Variants in MPP7 observed in about 807,000 individuals in gnomAD.
MPP7 encodes MAGUK p55 scaffold protein 7.
MPP7 carries 60 observed loss-of-function variants against 76.5 expected under a neutral mutation model. The ratio of observed to expected loss-of-function variants is 0.78; its 90% CI spans 0.64 to 0.97. The LOEUF (loss-of-function observed/expected upper bound fraction) is 0.97, where lower values mean the gene tolerates loss of function less well. Among genes scored for constraint, MPP7 ranks in the 50% least tolerant of loss-of-function variants. MPP7 has a pLI of 0.00. For synonymous variants in MPP7, 237 were observed against 244.5 expected (o/e 0.97, Z 0.29); for missense variants, 641 against 694.0 (o/e 0.92, Z 0.86).
At position 28,124,142 on chromosome 10, in the gene MPP7, TAGCA is replaced by T. The variant is rs1215101070; in HGVS notation, c.530-30_530-27del. The T allele has an allele frequency of 8.7e-6, 13 of 1,485,942 alleles. No individual in the cohort carries two copies. The South Asian group carries it at 1.5e-4, about 17-fold the overall frequency. 92.0% of individuals were successfully genotyped at this position (1,485,942 alleles called of 1,614,324 possible). A position where few individuals can be genotyped will look rare whatever the true frequency, so the allele number is the denominator to read the frequency against. Reference sequence around the variant, plus strand: ...CTGAGAAATAGGAGATTTGGTAAATTAGCAGTGTTACCCACAACCAAAACTGTAA... The same window carrying T: ...CTGAGAAATAGGAGATTTGGTAAATTGTGTTACCCACAACCAAAACTGTAA... On this transcript the variant is annotated intron_variant, in intron 7 of 16. Coordinates refer to ENST00000683449, the MANE Select transcript of MPP7 (RefSeq NM_001318170.2).
At chr10:28,150,154 G>A in intron 3 of MPP7, 95 bp from the exon 4 acceptor site, 1 of 826,160 alleles carries the variant, frequency 1.2e-6, no homozygotes, top group Admixed American at 2.1e-5. Flanking sequence ...CTGAATCCTT[G>A]AATATCCTAA....
chr10:28,140,618 G>A (rs1276346050), intron 5 of MPP7, among the ~76,000 whole-genome samples: 1 of 152,180 alleles, frequency 6.6e-6, no homozygotes, highest in Non-Finnish European at 1.5e-5. Flanking sequence ...AGAAAAATAT[G>A]TATATTAATA....
At chr10:28,271,233 T>C (rs911025666) in intron 1 of MPP7, among the ~76,000 whole-genome samples, 6 of 152,216 alleles carry the variant, frequency 3.9e-5, no homozygotes, top group African/African-American at 1.4e-4. Context: ...GAATATTTCA[T>C]TTAAAGTCAG....
At chr10:28,315,182 G>C (rs1834305109) in intron 2 of MPP7, among the ~76,000 whole-genome samples, 2 of 144,072 alleles carry the variant, frequency 1.4e-5, no homozygotes, top group South Asian at 4.5e-4. Context: ...GAAAAACAAA[G>C]AGAAGGAGGG....
intron 4 of MPP7, 135 bp from the exon 5 acceptor site, chr10:28,147,698 ACAGATCATCAAT>A (rs1261988084): frequency 9.6e-6 from 7 of 728,536 alleles, no homozygotes; most frequent in Admixed American, 2.2e-5. Context: ...ATAAAAGAAA[ACAGATCATCAAT>A]CATTGCTCTT....
chr10:28,291,215 G>A (rs1057222572), intron 1 of MPP7, among the ~76,000 whole-genome samples: 13 of 152,314 alleles, frequency 8.5e-5, no homozygotes, highest in Admixed American at 2.6e-4. Context: ...CCCAGGTAAC[G>A]CAAAATACAG....
At chr10:28,091,142 A>C (rs1242552066) in intron 11 of MPP7, among the ~76,000 whole-genome samples, 1 of 152,126 alleles carries the variant, frequency 6.6e-6, no homozygotes, top group Non-Finnish European at 1.5e-5. Flanking sequence ...GTAAGACTCC[A>C]TTTCAAAAAC....
intron 2 of MPP7, among the ~76,000 whole-genome samples, chr10:28,326,490 C>G (rs1007391502): frequency 2.0e-5 from 3 of 152,136 alleles, no homozygotes; most frequent in African/African-American, 7.2e-5. Context: ...CAAATGGTGA[C>G]AGTCAATGCT....
chr10:28,286,405 T>C (rs1042833547), intron 1 of MPP7, among the ~76,000 whole-genome samples: 4 of 152,120 alleles, frequency 2.6e-5, no homozygotes, highest in Admixed American at 2.0e-4. Flanking sequence ...GTTACTAAAC[T>C]TCCTTTCACT....
intron 14 of MPP7, among the ~76,000 whole-genome samples, chr10:28,059,188 T>C (rs1851680313): frequency 1.3e-5 from 2 of 152,294 alleles, no homozygotes; most frequent in African/African-American, 2.4e-5. Flanking sequence ...TGGGGTGGGC[T>C]TGGAGCTAGC....
intron 4 of MPP7, among the ~76,000 whole-genome samples, chr10:28,147,963 A>C (rs1170183780): frequency 4.6e-5 from 7 of 152,320 alleles, no homozygotes; most frequent in Non-Finnish European, 1.0e-4. Context: ...GAGGTGGTGA[A>C]ATCCACAGGG....
chr10:28,207,858 T>A (rs1292075043), intron 2 of MPP7, among the ~76,000 whole-genome samples: 5 of 152,136 alleles, frequency 3.3e-5, no homozygotes, highest in African/African-American at 1.2e-4. Flanking sequence ...AATCTATAGA[T>A]TTTTAAGTGC....
chr10:28,126,153 T>C (rs1014203745), intron 6 of MPP7, among the ~76,000 whole-genome samples: 4 of 152,132 alleles, frequency 2.6e-5, no homozygotes, highest in Non-Finnish European at 5.9e-5. Context: ...AGTAAAAAAG[T>C]CAAAGAATTA....
At chr10:28,244,494 A>G (rs974121423) in intron 1 of MPP7, among the ~76,000 whole-genome samples, 1 of 152,156 alleles carries the variant, frequency 6.6e-6, no homozygotes, top group African/African-American at 2.4e-5. Flanking sequence ...AAAAACAAAA[A>G]TTCCTAGTTT....
At chr10:28,056,455 G>A (rs1353589328) in intron 16 of MPP7, 25 bp downstream of exon 16, 1 of 1,601,026 alleles carries the variant, frequency 6.2e-7, no homozygotes, top group Admixed American at 1.8e-5. Flanking sequence ...CACCACACCT[G>A]GCCCCCAAGC....
chr10:28,311,962 AT>A (rs1243629966), intron 2 of MPP7, among the ~76,000 whole-genome samples: 1 of 152,114 alleles, frequency 6.6e-6, no homozygotes, highest in African/African-American at 2.4e-5. Flanking sequence ...AAAAAGATCA[AT>A]TTTTTTTCTG....
chr10:28,271,989 A>C (rs114934436), intron 1 of MPP7, among the ~76,000 whole-genome samples: 13 of 152,018 alleles, frequency 8.6e-5, no homozygotes, highest in African/African-American at 2.4e-4. Context: ...AACAAACAAA[A>C]AAAAGATTCT....
intron 1 of MPP7, among the ~76,000 whole-genome samples, chr10:28,246,614 A>AT (rs1250978797): frequency 6.6e-6 from 1 of 152,190 alleles, no homozygotes. Flanking sequence ...CTGGGCAATC[A>AT]TAGCAGAAGG....
intron 1 of MPP7, among the ~76,000 whole-genome samples, chr10:28,286,428 G>A (rs549041340): frequency 6.6e-6 from 1 of 152,218 alleles, no homozygotes; most frequent in East Asian, 1.9e-4. Flanking sequence ...GAAAACTACA[G>A]CACAGCTGAG....
Sources: allele counts gnomAD v4.1 joint callset (sites outside exome capture counted in the v4.1 genomes callset), GRCh38; gene constraint gnomAD v4.1.1; transcripts MANE v1.5; gene names NCBI Gene and HGNC (gene_info 2026-07-23, HGNC 2026-07-21).